The following CRPPA variants were observed in gnomAD, a reference collection of about 807,000 sequenced individuals.
The protein encoded by CRPPA is CDP-L-ribitol pyrophosphorylase A.
A neutral mutation model predicts 52.0 loss-of-function variants in CRPPA; 43 were observed. That is an observed-to-expected ratio of 0.83 (90% CI 0.65 to 1.07). The LOEUF is 1.07. Among genes scored for constraint, CRPPA ranks in the 50% least tolerant of loss-of-function variants. The probability of loss-of-function intolerance (pLI) is 0.00; values close to 1 mark genes in which losing one functional copy is unlikely to be tolerated. For missense variants in CRPPA, 629 were observed against 551.7 expected, an observed-to-expected ratio of 1.14 and a Z score of -1.40; for synonymous variants, 250 against 203.5, an observed-to-expected ratio of 1.23 and a Z score of -1.94.
At chr7:16,277,134 T>C (rs374464815) in intron 6 of CRPPA, 2 of 152,276 alleles carry the variant, frequency 1.3e-5, no homozygotes, top group East Asian at 3.9e-4. Flanking sequence ...TATTAACAGT[T>C]TCAATTTACA....
At chr7:16,196,615 A>C (rs753357160) in intron 9 of CRPPA, among the ~76,000 whole-genome samples, 3 of 152,202 alleles carry the variant, frequency 2.0e-5, no homozygotes, top group Non-Finnish European at 4.4e-5. Context: ...ACAATGTCAG[A>C]GAACTTTTAG....
chr7:16,363,968 T>C (rs946453707), intron 3 of CRPPA, among the ~76,000 whole-genome samples: 1 of 152,120 alleles, frequency 6.6e-6, no homozygotes, highest in African/African-American at 2.4e-5. Context: ...TAAAAACTAA[T>C]CTAAGAAATT....
At chr7:16,372,006 G>A (rs1263292436) in intron 3 of CRPPA, among the ~76,000 whole-genome samples, 4 of 151,248 alleles carry the variant, frequency 2.6e-5, no homozygotes, top group Admixed American at 6.6e-5. Flanking sequence ...CCAATCAGAC[G>A]AAGTAAAAAA....
At chr7:16,342,955 G>A (rs953139633) in intron 3 of CRPPA, among the ~76,000 whole-genome samples, 2 of 142,736 alleles carry the variant, frequency 1.4e-5, no homozygotes, top group African/African-American at 5.1e-5. Context: ...TGTGACAACT[G>A]CTTGAGCCTG....
chr7:16,265,878 T>A (rs567285217), intron 6 of CRPPA, among the ~76,000 whole-genome samples: 1 of 152,216 alleles, frequency 6.6e-6, no homozygotes, highest in Non-Finnish European at 1.5e-5. Context: ...AAAGTTTGCA[T>A]AATCTAAGAT....
chr7:16,210,426 G>C (rs1782102055), intron 9 of CRPPA: 2 of 152,202 alleles, frequency 1.3e-5, no homozygotes, highest in South Asian at 2.1e-4. Context: ...TGGGATGTCA[G>C]TCGCTGATGT....
intron 9 of CRPPA, chr7:16,210,576 T>C (rs947832552): frequency 3.3e-5 from 5 of 152,296 alleles, no homozygotes; most frequent in South Asian, 4.1e-4. Flanking sequence ...CAATAGCTCA[T>C]GAGGAAATGA....
At chr7:16,165,693 A>C (rs1781045536) in intron 9 of CRPPA, among the ~76,000 whole-genome samples, 1 of 152,224 alleles carries the variant, frequency 6.6e-6, no homozygotes, top group African/African-American at 2.4e-5. Context: ...TTGTAAAAAC[A>C]CCATAATTCC....
chr7:16,128,322 G>A (rs1782619127), intron 9 of CRPPA, among the ~76,000 whole-genome samples: 1 of 151,994 alleles, frequency 6.6e-6, no homozygotes, highest in Non-Finnish European at 1.5e-5. Flanking sequence ...AAATAAAGAT[G>A]TAATTTTATA....
chr7:16,215,765 A>C (rs1782287612), intron 9 of CRPPA, among the ~76,000 whole-genome samples: 1 of 152,230 alleles, frequency 6.6e-6, no homozygotes, highest in Admixed American at 6.5e-5. Context: ...AGTATTATAT[A>C]TTTGAAATTC....
intron 9 of CRPPA, among the ~76,000 whole-genome samples, chr7:16,111,307 A>T (rs887499695): frequency 4.6e-5 from 7 of 152,080 alleles, no homozygotes; most frequent in African/African-American, 1.7e-4. Context: ...GAAGAAAAAA[A>T]CTCTTGTGCA....
intron 9 of CRPPA, among the ~76,000 whole-genome samples, chr7:16,178,382 T>TTA (rs1781347443): frequency 6.6e-6 from 1 of 152,102 alleles, no homozygotes; most frequent in South Asian, 2.1e-4. Flanking sequence ...TTCTAAAGAT[T>TTA]TATGTCCATA....
intron 3 of CRPPA, among the ~76,000 whole-genome samples, chr7:16,334,013 G>GA (rs1452180484): frequency 3.3e-5 from 5 of 151,924 alleles, no homozygotes; most frequent in Admixed American, 2.6e-4. Context: ...GTCTTGTCTA[G>GA]AAAAAAACAT....
chr7:16,399,039 C>G (rs1303840544), intron 2 of CRPPA, among the ~76,000 whole-genome samples: 1 of 152,186 alleles, frequency 6.6e-6, no homozygotes, highest in African/African-American at 2.4e-5. Context: ...ACGTTTAGGA[C>G]AGGTGACAAG....
intron 9 of CRPPA, among the ~76,000 whole-genome samples, chr7:16,179,357 T>C (rs1583411464): frequency 6.6e-6 from 1 of 152,098 alleles, no homozygotes; most frequent in African/African-American, 2.4e-5. Flanking sequence ...CATGAAAATG[T>C]TGTCACGCAC....
chr7:16,136,580 T>A (rs1444015783), intron 9 of CRPPA, among the ~76,000 whole-genome samples: 1 of 152,192 alleles, frequency 6.6e-6, no homozygotes, highest in Non-Finnish European at 1.5e-5. Context: ...AGAGTTACAA[T>A]ACAAATTATT....
At chr7:16,332,466 G>C (rs1459080105) in intron 3 of CRPPA, among the ~76,000 whole-genome samples, 1 of 152,096 alleles carries the variant, frequency 6.6e-6, no homozygotes, top group East Asian at 1.9e-4. Context: ...ACATATACAT[G>C]CTTATCTATG....
intron 9 of CRPPA, among the ~76,000 whole-genome samples, chr7:16,149,145 G>A (rs1036530470): frequency 2.0e-5 from 3 of 152,066 alleles, no homozygotes; most frequent in African/African-American, 4.8e-5. Flanking sequence ...ATATACATAT[G>A]GTTTGTTTCA....
chr7:16,222,925 T>A (rs923548637), intron 8 of CRPPA, among the ~76,000 whole-genome samples: 1 of 152,146 alleles, frequency 6.6e-6, no homozygotes, highest in African/African-American at 2.4e-5. Context: ...TCTTGAACGT[T>A]TATCATTTCT....
Sources: gnomAD v4.1 joint callset for allele counts (sites outside exome capture counted in the v4.1 genomes callset) on GRCh38, gnomAD v4.1.1 for gene constraint, MANE v1.5 for transcripts, NCBI Gene and HGNC (gene_info 2026-07-23, HGNC 2026-07-21) for gene names.